Variants in CIMAP1C observed in about 807,000 individuals in gnomAD.
The protein encoded by CIMAP1C is ciliary microtubule associated protein 1C.
the CIMAP1C span, among the ~76,000 whole-genome samples, chr15:75,724,819 G>A: frequency 2.0e-5 from 3 of 152,204 alleles, no homozygotes; most frequent in Admixed American, 6.5e-5. Context: ...GAGGCTTAAC[G>A]GAAATAATCC....
At chr15:75,724,353 C>A in the CIMAP1C span, 2 of 1,433,482 alleles carry the variant, frequency 1.4e-6, no homozygotes, top group South Asian at 1.1e-5. Context: ...TGGGCCCCCT[C>A]CCCTCTCTCC....
the CIMAP1C span, chr15:75,727,113 CG>C: frequency 6.2e-7 from 1 of 1,613,950 alleles, no homozygotes; most frequent in Non-Finnish European, 8.5e-7. Flanking sequence ...ATCCACCCAC[CG>C]GGGGAACGCA....
chr15:75,725,362 T>C, the CIMAP1C span: 1 of 668,354 alleles, frequency 1.5e-6, no homozygotes, highest in Non-Finnish European at 2.6e-6. Flanking sequence ...CCAGCGGGGA[T>C]TGAGGGTGGG....
chr15:75,725,989 G>C, the CIMAP1C span: 1 of 987,036 alleles, frequency 1.0e-6, no homozygotes, highest in Non-Finnish European at 1.6e-6. Context: ...ATCTTGCCTG[G>C]AGGCAGGCCA....
At chr15:75,725,172 G>T in the CIMAP1C span, 1 of 1,614,114 alleles carries the variant, frequency 6.2e-7, no homozygotes, top group Non-Finnish European at 8.5e-7. Flanking sequence ...ACATCTCCAT[G>T]TTCAAGGCAC....
At chr15:75,726,049 G>C in the CIMAP1C span, 1 of 1,599,960 alleles carries the variant, frequency 6.3e-7, no homozygotes, top group African/African-American at 1.3e-5. Flanking sequence ...CTCCTTGGTT[G>C]CCCTGCAGGG....
At chr15:75,724,487 G>T in the CIMAP1C span, among the ~76,000 whole-genome samples, 5 of 152,246 alleles carry the variant, frequency 3.3e-5, no homozygotes, top group Non-Finnish European at 7.3e-5. Context: ...CCAAGTGGGT[G>T]GGGGAGGAGG....
the CIMAP1C span, chr15:75,725,942 A>G: frequency 1.6e-6 from 1 of 645,036 alleles, no homozygotes; most frequent in Non-Finnish European, 2.8e-6. Context: ...AGGGTCCCCA[A>G]ACACCCAGGA....
chr15:75,724,225 GCT>G, the CIMAP1C span: 1 of 1,614,062 alleles, frequency 6.2e-7, no homozygotes, highest in East Asian at 2.2e-5. Flanking sequence ...GGGACCAGGA[GCT>G]CTGTGTACTT....
the CIMAP1C span, among the ~76,000 whole-genome samples, chr15:75,725,869 G>A: frequency 6.6e-6 from 1 of 152,238 alleles, no homozygotes; most frequent in Non-Finnish European, 1.5e-5. Flanking sequence ...CTGTTCCTCT[G>A]AGCAAGTTCT....
the CIMAP1C span, chr15:75,727,072 C>A: frequency 1.2e-6 from 2 of 1,613,010 alleles, no homozygotes; most frequent in Non-Finnish European, 1.7e-6. Context: ...TGAACCCCAC[C>A]CTCGCATCCT....
the CIMAP1C span, chr15:75,727,194 A>G: frequency 1.2e-6 from 2 of 1,614,106 alleles, no homozygotes; most frequent in East Asian, 4.5e-5. Context: ...GCTCCCAACC[A>G]GTACCAGATG....
At chr15:75,727,669 T>C in the CIMAP1C span, 5 of 921,278 alleles carry the variant, frequency 5.4e-6, no homozygotes, top group Non-Finnish European at 6.5e-6. Context: ...CAGAAGACAT[T>C]AGAGATACAT....
At chr15:75,724,160 C>A in the CIMAP1C span, 3 of 1,399,804 alleles carry the variant, frequency 2.1e-6, no homozygotes, top group Non-Finnish European at 3.0e-6. Flanking sequence ...GCTGTTTAGA[C>A]CCTGCTGTAG....
the CIMAP1C span, chr15:75,726,067 G>A: frequency 6.2e-7 from 1 of 1,612,684 alleles, no homozygotes; most frequent in Non-Finnish European, 8.5e-7. Flanking sequence ...GGGATGGTGT[G>A]CCACAGCAGC....
chr15:75,726,257 C>A, the CIMAP1C span: 4 of 797,262 alleles, frequency 5.0e-6, no homozygotes, highest in Admixed American at 6.8e-5. Context: ...GGCAAAGGGT[C>A]AAGACTTCCT....
the CIMAP1C span, chr15:75,725,358 G>T: frequency 8.9e-6 from 6 of 674,564 alleles, no homozygotes; most frequent in Non-Finnish European, 1.6e-5. Flanking sequence ...GAAGCCAGCG[G>T]GGATTGAGGG....
At chr15:75,727,628 C>T in the CIMAP1C span, 8 of 1,314,380 alleles carry the variant, frequency 6.1e-6, no homozygotes, top group African/African-American at 1.5e-5. Flanking sequence ...TTTCTAGTAG[C>T]AGAGCCGGTA....
the CIMAP1C span, chr15:75,727,600 T>A: frequency 6.7e-7 from 1 of 1,494,562 alleles, no homozygotes; most frequent in Non-Finnish European, 8.9e-7. Flanking sequence ...TACACCAAAT[T>A]GAGCAATTTG....
Sources: gnomAD v4.1 joint callset for allele counts (sites outside exome capture counted in the v4.1 genomes callset) on GRCh38, gnomAD v4.1.1 for gene constraint, MANE v1.5 for transcripts, NCBI Gene and HGNC (gene_info 2026-07-23, HGNC 2026-07-21) for gene names.